KCNH1: variants seen among roughly 807,000 people sequenced by gnomAD.
KCNH1 encodes potassium voltage-gated channel subfamily H member 1.
KCNH1 carries 27 observed loss-of-function variants against 69.2 expected under a neutral mutation model. The observed-to-expected ratio is 0.39, with a 90% CI of 0.29 to 0.54. The LOEUF is 0.54. Among genes scored for constraint, KCNH1 ranks in the 20% least tolerant of loss-of-function variants. The pLI is 0.68. For missense variants in KCNH1, 798 were observed against 1,261.6 expected, an observed-to-expected ratio of 0.63 and a Z score of 5.57; for synonymous variants, 456 against 487.7, an observed-to-expected ratio of 0.93 and a Z score of 0.86.
chr1:210,937,521 C>T (rs914220362), intron 6 of KCNH1, among the ~76,000 whole-genome samples: 5 of 152,182 alleles, frequency 3.3e-5, no homozygotes, highest in Admixed American at 2.0e-4. Flanking sequence ...TTGGCTAGAG[C>T]ATGGCAGTAC....
chr1:211,035,737 T>C (rs1369818840), intron 5 of KCNH1, among the ~76,000 whole-genome samples: 1 of 152,186 alleles, frequency 6.6e-6, no homozygotes, highest in African/African-American at 2.4e-5. Context: ...GGAAATTCCA[T>C]GGAGTGAGTT....
At chr1:210,946,597 A>G (rs1687963169) in intron 6 of KCNH1, among the ~76,000 whole-genome samples, 1 of 152,170 alleles carries the variant, frequency 6.6e-6, no homozygotes, top group Non-Finnish European at 1.5e-5. Flanking sequence ...TAAACAAGGG[A>G]AAAACATGGC....
At position 210,955,213 on chromosome 1, in the gene KCNH1, G is replaced by C. The variant is rs558359040; in HGVS notation, c.1033-35144C>G. Among the ~76,000 whole-genome samples the C allele has an allele frequency of 4.3e-4, 66 of 152,262 alleles. 1 individual carries two copies. The South Asian group carries it at 0.014, about 32-fold the overall frequency. On this transcript the variant is annotated intron_variant, in intron 6 of 10. Coordinates refer to ENST00000271751, the MANE Select transcript of KCNH1 (RefSeq NM_172362.3). ...GTATGTCAAAGATCAGATGGTTATA[G>C]ATGTGTGGTGTTATTTCTGAGGCCT... is the stretch of plus-strand genomic sequence containing the variant.
chr1:211,055,547 G>A (rs555175580), intron 5 of KCNH1, among the ~76,000 whole-genome samples: 5 of 152,328 alleles, frequency 3.3e-5, no homozygotes, highest in African/African-American at 1.2e-4. Context: ...GATAATGAGT[G>A]TGGGGTGAAT....
intron 7 of KCNH1, among the ~76,000 whole-genome samples, chr1:210,849,159 A>G (rs1439380538): frequency 6.6e-6 from 1 of 152,180 alleles, no homozygotes; most frequent in Non-Finnish European, 1.5e-5. Flanking sequence ...AAATATACAT[A>G]TACTTGTACA....
intron 10 of KCNH1, among the ~76,000 whole-genome samples, chr1:210,720,769 G>T (rs959634341): frequency 1.3e-5 from 2 of 152,176 alleles, no homozygotes; most frequent in Non-Finnish European, 2.9e-5. Context: ...GGAAAAGGGG[G>T]TAGATGTCTT....
chr1:210,755,216 A>T (rs966441521), intron 10 of KCNH1, among the ~76,000 whole-genome samples: 1 of 152,162 alleles, frequency 6.6e-6, no homozygotes, highest in Admixed American at 6.5e-5. Context: ...TTGCTAACAG[A>T]TTAGGTGGGG....
intron 1 of KCNH1, among the ~76,000 whole-genome samples, chr1:211,129,653 A>C (rs1691842419): frequency 1.3e-5 from 2 of 152,188 alleles, no homozygotes; most frequent in South Asian, 4.1e-4. Flanking sequence ...CCAGATTATC[A>C]TCCATTCCCC....
chr1:210,712,763 A>ATAAG (rs34105571), intron 10 of KCNH1, among the ~76,000 whole-genome samples: 12,596 of 152,178 alleles, frequency 0.083, 683 homozygotes, highest in Middle Eastern at 0.13. Context: ...CATTCCTGTT[A>ATAAG]TAAGTTCATT....
intron 7 of KCNH1, among the ~76,000 whole-genome samples, chr1:210,850,634 T>C (rs1685680567): frequency 6.6e-6 from 1 of 152,224 alleles, no homozygotes; most frequent in Admixed American, 6.5e-5. Context: ...CCCACAGTTC[T>C]GCTAGCTTGG....
intron 10 of KCNH1, among the ~76,000 whole-genome samples, chr1:210,725,026 C>A (rs909097402): frequency 1.3e-5 from 2 of 152,188 alleles, no homozygotes; most frequent in African/African-American, 4.8e-5. Context: ...GACACTTTAG[C>A]TGAGACATCT....
intron 6 of KCNH1, among the ~76,000 whole-genome samples, chr1:211,002,249 T>C (rs1308057339): frequency 2.1e-5 from 3 of 141,362 alleles, no homozygotes; most frequent in African/African-American, 8.4e-5. Flanking sequence ...TATGTATACG[T>C]ATATATATAC....
chr1:210,808,509 T>G (rs1684633785), intron 7 of KCNH1, among the ~76,000 whole-genome samples: 1 of 152,120 alleles, frequency 6.6e-6, no homozygotes, highest in South Asian at 2.1e-4. Flanking sequence ...ATTATTACAT[T>G]AAAGGTGGAT....
At chr1:210,968,513 A>G (rs1172653539) in intron 6 of KCNH1, among the ~76,000 whole-genome samples, 1 of 144,860 alleles carries the variant, frequency 6.9e-6, no homozygotes, top group Non-Finnish European at 1.5e-5. Context: ...ATTTCTCCAC[A>G]TCCTCTCCAG....
At chr1:210,785,180 AT>A (rs1684070178) in intron 9 of KCNH1, among the ~76,000 whole-genome samples, 1 of 152,218 alleles carries the variant, frequency 6.6e-6, no homozygotes, top group Non-Finnish European at 1.5e-5. Context: ...AGGCAGGACT[AT>A]TGAGATTTCA....
intron 5 of KCNH1, among the ~76,000 whole-genome samples, chr1:211,081,181 C>T (rs944900636): frequency 1.1e-4 from 16 of 152,118 alleles, no homozygotes; most frequent in Non-Finnish European, 2.1e-4. Context: ...ACTTCTCAAA[C>T]GAAGACATTT....
chr1:210,794,624 A>T (rs1388999468), intron 9 of KCNH1, among the ~76,000 whole-genome samples: 1 of 152,210 alleles, frequency 6.6e-6, no homozygotes, highest in Non-Finnish European at 1.5e-5. Context: ...CTTCAGCTCC[A>T]TCATGCCTCT....
intron 7 of KCNH1, among the ~76,000 whole-genome samples, chr1:210,908,609 T>C (rs1247161432): frequency 6.6e-6 from 1 of 152,164 alleles, no homozygotes; most frequent in Non-Finnish European, 1.5e-5. Flanking sequence ...AATTTGAACA[T>C]TTGGGCCAGG....
chr1:210,789,289 G>T (rs78789777), intron 9 of KCNH1, among the ~76,000 whole-genome samples: 1 of 152,154 alleles, frequency 6.6e-6, no homozygotes, highest in Non-Finnish European at 1.5e-5. Context: ...CTCTGTGAAG[G>T]ATTTAGCTTC....
Sources: allele counts gnomAD v4.1 joint callset (sites outside exome capture counted in the v4.1 genomes callset), GRCh38; gene constraint gnomAD v4.1.1; transcripts MANE v1.5; gene names NCBI Gene and HGNC (gene_info 2026-07-23, HGNC 2026-07-21).